The following PCDH15 variants were observed in gnomAD, a reference collection of about 807,000 sequenced individuals.
PCDH15 encodes protocadherin related 15.
A neutral mutation model predicts 178.5 loss-of-function variants in PCDH15; 129 were observed. The ratio of observed to expected loss-of-function variants is 0.72; its 90% CI spans 0.63 to 0.84. The LOEUF is 0.84. PCDH15 is among the 40% of genes least tolerant of loss of function. The pLI, the probability that PCDH15 is intolerant of heterozygous loss-of-function variation, is 0.00. For synonymous variants in PCDH15, 800 were observed against 732.0 expected (o/e 1.09, Z -1.50); for missense variants, 2,230 against 2,099.9 (o/e 1.06, Z -1.21).
rs753023544 is a variant in PCDH15 at position 53,821,978 on chromosome 10, T to C, written c.4368-1748A>G. 9.3e-6 allele frequency: 15 copies of C among 1,613,900 alleles called. No individual in the cohort carries two copies. The highest frequency in any genetic ancestry group is 1.3e-5 in the Non-Finnish European group (15 of 1,179,908). On this transcript the variant is annotated intron_variant, in intron 32 of 37. Transcript: ENST00000644397. ...TTGTTACTTCTGAAGGGCACATAGTTTGAAGTTCTGAAACATTTGTGCGTA... is the reference window on the plus strand; with the variant it reads ...TTGTTACTTCTGAAGGGCACATAGTCTGAAGTTCTGAAACATTTGTGCGTA...
chr10:54,117,759 G>T (rs2095141037), intron 15 of PCDH15, among the ~76,000 whole-genome samples: 1 of 152,122 alleles, frequency 6.6e-6, no homozygotes, highest in Non-Finnish European at 1.5e-5. Context: ...CTGCAGGAAG[G>T]TCATCTCATT....
At chr10:55,221,147 G>GCA (rs144628543) in intron 1 of PCDH15, among the ~76,000 whole-genome samples, 2 of 151,710 alleles carry the variant, frequency 1.3e-5, no homozygotes, top group South Asian at 2.1e-4. Flanking sequence ...GAAACAGATA[G>GCA]CACACACACA....
At chr10:55,230,641 C>T (rs1319810442) in intron 1 of PCDH15, among the ~76,000 whole-genome samples, 1 of 151,892 alleles carries the variant, frequency 6.6e-6, no homozygotes, top group Non-Finnish European at 1.5e-5. Flanking sequence ...ACAGAGACAG[C>T]GGACAGTGTT....
At chr10:53,823,689 C>G (rs1289008335) in intron 32 of PCDH15, 10 of 475,938 alleles carry the variant, frequency 2.1e-5, no homozygotes, top group Non-Finnish European at 3.4e-5. Flanking sequence ...TAACAGTTCC[C>G]TTATGCACAA....
intron 1 of PCDH15, among the ~76,000 whole-genome samples, chr10:54,793,246 C>T (rs542968049): frequency 7.9e-5 from 12 of 152,002 alleles, no homozygotes; most frequent in Non-Finnish European, 1.6e-4. Context: ...GCTGAGCCTC[C>T]ACACCCATTC....
intron 2 of PCDH15, among the ~76,000 whole-genome samples, chr10:54,907,554 C>G (rs1368880026): frequency 6.6e-6 from 1 of 152,126 alleles, no homozygotes; most frequent in South Asian, 2.1e-4. Context: ...CTTTGATTCA[C>G]GTGAATCCTC....
chr10:54,678,174 A>G (rs1235824322), intron 1 of PCDH15, among the ~76,000 whole-genome samples: 1 of 152,170 alleles, frequency 6.6e-6, no homozygotes, highest in East Asian at 1.9e-4. Flanking sequence ...ACACACACAC[A>G]TATATTTATA....
At chr10:53,886,567 T>C (rs2081108652) in intron 26 of PCDH15, among the ~76,000 whole-genome samples, 1 of 151,286 alleles carries the variant, frequency 6.6e-6, no homozygotes, top group South Asian at 2.1e-4. Context: ...CAGGAGCTGC[T>C]AGTCGTTTCC....
At position 54,901,723 on chromosome 10, in the gene PCDH15, T is replaced by C. The variant is rs559546565; in HGVS notation, c.-79-4223A>G. Among the ~76,000 whole-genome samples, 7 of 152,228 alleles carry C rather than the reference T, an allele frequency of 4.6e-5. No homozygotes were observed. The East Asian group carries it at 1.4e-3, about 29-fold the overall frequency. Reference sequence around the variant, plus strand: ...TTCTATAGAAAAACCTCACTGAAAATGACTTGATAATGCTTGTGAATATAT... The same window carrying C: ...TTCTATAGAAAAACCTCACTGAAAACGACTTGATAATGCTTGTGAATATAT... On this transcript the variant is annotated intron_variant, in intron 2 of 5. Coordinates refer to the PCDH15 transcript ENST00000458638.
chr10:54,878,814 CT>C (rs1050795042), intron 3 of PCDH15, among the ~76,000 whole-genome samples: 13 of 152,182 alleles, frequency 8.5e-5, no homozygotes, highest in African/African-American at 3.1e-4. Flanking sequence ...CTCCTTGATG[CT>C]CTCCCTCCCC....
In PCDH15 at chr10:54,607,867, A is replaced by C. The variant is rs541328417; in HGVS notation, c.91+56305T>G. On this transcript the variant is annotated intron_variant, in intron 2 of 37. Transcript: ENST00000644397. Reference sequence around the variant, plus strand: ...GGCCTACTGTGAGCAAGACACTGCTAATCAGGCTATTAGGTTGGTCCAAAA... The same window carrying C: ...GGCCTACTGTGAGCAAGACACTGCTCATCAGGCTATTAGGTTGGTCCAAAA... The C allele has an allele frequency of 2.3e-4, 120 of 529,312 alleles. 1 individual carries two copies. The highest frequency in any genetic ancestry group is 1.6e-3 in the South Asian group (114 of 71,268). 32.8% of individuals were successfully genotyped at this position (529,312 alleles called of 1,614,324 possible).
chr10:53,811,403 C>T (rs2075858784), intron 36 of PCDH15, 146 bp downstream of exon 36: 2 of 446,968 alleles, frequency 4.5e-6, no homozygotes, highest in South Asian at 1.1e-4. Context: ...AAAAATAAAG[C>T]TAGATATACT....
intron 2 of PCDH15, among the ~76,000 whole-genome samples, chr10:55,149,658 G>C (rs1389342169): frequency 6.6e-6 from 1 of 150,786 alleles, no homozygotes; most frequent in Admixed American, 6.6e-5. Context: ...TCCAATTCTT[G>C]AGTCGTTTTC....
At chr10:55,559,908 C>T (rs927706776) in intron 2 of PCDH15, among the ~76,000 whole-genome samples, 15 of 151,936 alleles carry the variant, frequency 9.9e-5, no homozygotes, top group Non-Finnish European at 1.9e-4. Context: ...AAACACTGTA[C>T]TTTCCAATGA....
rs1022609067 is a variant in PCDH15, at chr10:55,033,042, C to G, written c.-80+133534G>C. Among the ~76,000 whole-genome samples, 10 of 152,198 alleles carry G rather than the reference C, an allele frequency of 6.6e-5. No homozygotes were observed. In the East Asian group the frequency reaches 1.7e-3, roughly 26 times the overall value. ...TAACCATGCCACCATGATGCTAAATCTTCAGTCAAGCAGAGTGCATGAGCT... is the reference window on the plus strand; with the variant it reads ...TAACCATGCCACCATGATGCTAAATGTTCAGTCAAGCAGAGTGCATGAGCT... On this transcript the variant is annotated intron_variant, in intron 2 of 5. Transcript: ENST00000458638.
chr10:55,086,275 T>C (rs969378739), intron 2 of PCDH15, among the ~76,000 whole-genome samples: 5 of 151,982 alleles, frequency 3.3e-5, no homozygotes, highest in African/African-American at 7.2e-5. Flanking sequence ...ATGAAAACTA[T>C]ATTAAAGTGT....
intron 6 of PCDH15, among the ~76,000 whole-genome samples, chr10:54,331,070 GAAAC>G (rs1335074674): frequency 6.6e-6 from 1 of 151,646 alleles, no homozygotes; most frequent in South Asian, 2.1e-4. Flanking sequence ...ATGTGAGAGA[GAAAC>G]AGAGAGAGAG....
chr10:55,491,457 C>T (rs779879155), intron 2 of PCDH15, among the ~76,000 whole-genome samples: 6 of 151,540 alleles, frequency 4.0e-5, no homozygotes, highest in South Asian at 2.1e-4. Context: ...GGAGGTTTCA[C>T]GATGGTTGGG....
intron 2 of PCDH15, among the ~76,000 whole-genome samples, chr10:54,545,942 C>G (rs946286175): frequency 6.6e-6 from 1 of 152,176 alleles, no homozygotes; most frequent in African/African-American, 2.4e-5. Context: ...TCTCATGACA[C>G]AAGAACATAA....
Sources: allele counts gnomAD v4.1 joint callset (sites outside exome capture counted in the v4.1 genomes callset), GRCh38; gene constraint gnomAD v4.1.1; transcripts MANE v1.5; gene names NCBI Gene and HGNC (gene_info 2026-07-23, HGNC 2026-07-21).